DLGAP2: variants seen among roughly 807,000 people sequenced by gnomAD.
DLGAP2 encodes disks large-associated protein 2.
A neutral mutation model predicts 100.3 loss-of-function variants in DLGAP2; 26 were observed. The ratio of observed to expected loss-of-function variants is 0.26; its 90% CI spans 0.19 to 0.36. The LOEUF is 0.36. Among genes scored for constraint, DLGAP2 ranks in the 10% least tolerant of loss-of-function variants. The probability of loss-of-function intolerance (pLI) is 1.00; values close to 1 mark genes in which losing one functional copy is unlikely to be tolerated. For missense variants in DLGAP2, 1,858 were observed against 1,453.2 expected (o/e 1.28, Z -4.53); for synonymous variants, 886 against 630.1 (o/e 1.41, Z -6.08).
chr8:1,690,703 CAAAAAAAAAA>C lies in DLGAP2; in HGVS notation c.2705-815_2705-806del, dbSNP rs71190752. On this transcript the variant is annotated intron_variant, in intron 12 of 14. Transcript: ENST00000637795. ...TGGGCGATAAAGGGAGACCCTATCT[CAAAAAAAAAA>C]AAAAAAAAAAAAAAAATTAGTATTT... Among the ~76,000 whole-genome samples, 20 of 62,080 alleles carry C rather than the reference CAAAAAAAAAA, an allele frequency of 3.2e-4. 1 individual carries two copies. Among genetic ancestry groups the C allele is most frequent in the African/African-American group, 9.7e-4 (18 of 18,572 alleles). 40.7% of individuals were successfully genotyped at this position (62,080 alleles called of 152,430 possible).
At position 1,691,550 on chromosome 8, in the gene DLGAP2, G is replaced by A; in HGVS notation, c.2720G>A (p.Arg907Lys). 1 of 1,613,960 alleles carries A rather than the reference G, an allele frequency of 6.2e-7. No individual in the cohort carries two copies. The change falls in exon 13 of 15, where the codon AGG (arginine) becomes AAG (lysine). Residue 907 changes from arginine (R) to lysine (K), a missense_variant. Transcript: ENST00000637795. ...DLSEEILGKI[R>K]SAVGSAQLLM... ...TTTTAAACAGTTCTCGGTAAAATCA[G>A]GAGTGCTGTTGGGAGTGCCCAGCTT...
At chr8:1,192,689 T>A (rs2116733580) in intron 2 of DLGAP2, among the ~76,000 whole-genome samples, 1 of 151,356 alleles carries the variant, frequency 6.6e-6, no homozygotes, top group East Asian at 1.9e-4. Context: ...ATTATTATTA[T>A]ACTTTAAGTT....
intron 1 of DLGAP2, among the ~76,000 whole-genome samples, chr8:822,645 A>T (rs1050195712): frequency 6.6e-6 from 1 of 152,166 alleles, no homozygotes; most frequent in African/African-American, 2.4e-5. Flanking sequence ...ATACTGCCAG[A>T]ATGGAGCTTT....
intron 3 of DLGAP2, among the ~76,000 whole-genome samples, chr8:1,423,827 G>C (rs1036551470): frequency 2.6e-5 from 4 of 152,186 alleles, no homozygotes; most frequent in Non-Finnish European, 5.9e-5. Flanking sequence ...AATTCGAGCA[G>C]GTTAATCCCT....
At chr8:1,419,931 C>T (rs1274271863) in intron 3 of DLGAP2, among the ~76,000 whole-genome samples, 1 of 152,138 alleles carries the variant, frequency 6.6e-6, no homozygotes, top group African/African-American at 2.4e-5. Context: ...TGTCCATCAA[C>T]AGAAGAATGG....
chr8:1,000,544 T>TG (rs1247862478), intron 2 of DLGAP2, among the ~76,000 whole-genome samples: 1 of 151,280 alleles, frequency 6.6e-6, no homozygotes, highest in Non-Finnish European at 1.5e-5. Flanking sequence ...CAGATCTGGG[T>TG]GGGGTGGTTT....
chr8:1,626,368 CAGCCTCTGGGTGTGGGTTGGACGGCT>C, intron 6 of DLGAP2, among the ~76,000 whole-genome samples: 2 of 118,206 alleles, frequency 1.7e-5, no homozygotes, highest in African/African-American at 7.2e-5. Flanking sequence ...AGCAGGTGCT[CAGCCTCTGGGTGTGGGTTGGACGGCT>C]GTTCCCATCT....
chr8:976,941 C>G (rs924696), intron 2 of DLGAP2, among the ~76,000 whole-genome samples: 1 of 151,982 alleles, frequency 6.6e-6, no homozygotes, highest in African/African-American at 2.4e-5. Context: ...ATAAGTTGAA[C>G]TTGCATTAAA....
At chr8:872,676 C>G (rs766363260) in intron 1 of DLGAP2, among the ~76,000 whole-genome samples, 3 of 152,096 alleles carry the variant, frequency 2.0e-5, no homozygotes, top group Non-Finnish European at 2.9e-5. Flanking sequence ...ATTCATATAC[C>G]CCATACTACT....
Position 1,135,503 on chromosome 8 carries a change from GTTTTTTTTT to G in DLGAP2, c.74-123332_74-123324del, listed in dbSNP as rs3080806. On this transcript the variant is annotated intron_variant, in intron 2 of 14. Coordinates refer to ENST00000637795, the MANE Select transcript of DLGAP2 (RefSeq NM_001346810.2). ...GGATCCTAGAAGGGTTTTTTTGTGG[GTTTTTTTTT>G]TTTTTTTTTTTTTTTGTCCATATCT... Among the ~76,000 whole-genome samples the G allele has an allele frequency of 8.6e-4, 79 of 92,236 alleles. 1 individual carries two copies. Among genetic ancestry groups the G allele is most frequent in the African/African-American group, 2.7e-3 (69 of 25,302 alleles). 60.5% of individuals were successfully genotyped at this position (92,236 alleles called of 152,430 possible). A position where few individuals can be genotyped will look rare whatever the true frequency, so the allele number is the denominator to read the frequency against.
chr8:1,008,400 T>C lies in DLGAP2; in HGVS notation c.73+100434T>C, dbSNP rs535552657. Reference sequence around the variant, plus strand: ...GGTATTGATTTTGCAGATATGGTTTTAAGATAATTATCATATTCTAGTAAT... The same window carrying C: ...GGTATTGATTTTGCAGATATGGTTTCAAGATAATTATCATATTCTAGTAAT... On this transcript the variant is annotated intron_variant, in intron 2 of 14. Coordinates refer to ENST00000637795, the MANE Select transcript of DLGAP2 (RefSeq NM_001346810.2). Among the ~76,000 whole-genome samples, 4 of 152,358 alleles carry C rather than the reference T, an allele frequency of 2.6e-5. No homozygotes were observed. The South Asian group carries it at 8.3e-4, about 32-fold the overall frequency.
intron 8 of DLGAP2, among the ~76,000 whole-genome samples, chr8:1,660,903 T>TCACCGAAGAATACACGG (rs1207097808): frequency 6.6e-6 from 1 of 152,176 alleles, no homozygotes; most frequent in Non-Finnish European, 1.5e-5. Flanking sequence ...TTGAATGGTG[T>TCACCGAAGAATACACGG]CACCGAAGAA....
At chr8:1,098,651 CGCCGCCACCCACGCCAG>C (rs1451305026) in intron 2 of DLGAP2, among the ~76,000 whole-genome samples, 75 of 104,910 alleles carry the variant, frequency 7.1e-4, no homozygotes, top group Non-Finnish European at 1.1e-3. Context: ...CGCCCACGGA[CGCCGCCACCCACGCCAG>C]GCTCCCGGCC....
intron 1 of DLGAP2, among the ~76,000 whole-genome samples, chr8:881,496 C>CTT (rs533557661): frequency 1.1e-3 from 98 of 85,618 alleles, no homozygotes; most frequent in East Asian, 4.6e-3. Flanking sequence ...TTTCATCTCT[C>CTT]TTTTTTTTTT....
chr8:847,994 G>C (rs1227115173), intron 1 of DLGAP2, among the ~76,000 whole-genome samples: 1 of 152,118 alleles, frequency 6.6e-6, no homozygotes, highest in Non-Finnish European at 1.5e-5. Context: ...AAACACTTCT[G>C]CTAAGATCTT....
At chr8:750,374 T>C (rs1047646455) in intron 1 of DLGAP2, among the ~76,000 whole-genome samples, 15 of 152,238 alleles carry the variant, frequency 9.9e-5, no homozygotes, top group African/African-American at 3.4e-4. Context: ...AATGGATCGA[T>C]TGATCTAATG....
intron 1 of DLGAP2, among the ~76,000 whole-genome samples, chr8:766,318 C>G (rs1277155760): frequency 6.6e-6 from 1 of 152,250 alleles, no homozygotes; most frequent in Non-Finnish European, 1.5e-5. Context: ...GCTCGTCACC[C>G]TGCGGTGTGG....
intron 2 of DLGAP2, among the ~76,000 whole-genome samples, chr8:922,482 A>T (rs1798736143): frequency 6.6e-6 from 1 of 152,226 alleles, no homozygotes. Flanking sequence ...TAAAGGGGAA[A>T]GGTTTTTAAA....
intron 2 of DLGAP2, among the ~76,000 whole-genome samples, chr8:1,211,185 C>G (rs923211455): frequency 4.6e-5 from 7 of 152,230 alleles, no homozygotes; most frequent in Admixed American, 3.9e-4. Context: ...ACAACATTCT[C>G]AGGGGCCACC....
Sources: gnomAD v4.1 joint callset for allele counts (sites outside exome capture counted in the v4.1 genomes callset) on GRCh38, gnomAD v4.1.1 for gene constraint, MANE v1.5 for transcripts, NCBI Gene and HGNC (gene_info 2026-07-23, HGNC 2026-07-21) for gene names.